Variants in CCDC59 observed in about 807,000 individuals in gnomAD.
The protein encoded by CCDC59 is thyroid transcription factor 1-associated protein 26.
Under a neutral mutation model 30.5 loss-of-function variants are expected in CCDC59, and 27 were observed. The ratio of observed to expected loss-of-function variants is 0.89; its 90% CI spans 0.65 to 1.22. The LOEUF (loss-of-function observed/expected upper bound fraction) is 1.22. Among genes scored for constraint, CCDC59 ranks in the 50% most tolerant of loss-of-function variants. The pLI, the probability that CCDC59 is intolerant of heterozygous loss-of-function variation, is 0.00. For missense variants in CCDC59, 362 were observed against 284.4 expected, an observed-to-expected ratio of 1.27 and a Z score of -1.96; for synonymous variants, 125 against 100.9, an observed-to-expected ratio of 1.24 and a Z score of -1.43.
chr12:82,358,758 T>G, upstream of CCDC59: 1 of 1,613,366 alleles, frequency 6.2e-7, no homozygotes, highest in Non-Finnish European at 8.5e-7. Context: ...GCTGAGGAAG[T>G]CAGCGTCGGA....
At chr12:82,358,778 C>T (rs367740693), upstream of CCDC59, 3 of 1,613,654 alleles carry the variant, frequency 1.9e-6, no homozygotes, top group Non-Finnish European at 2.5e-6. Flanking sequence ...AGACGGAGGC[C>T]CTGCCCTCAG....
Position 82,352,886 on chromosome 12 carries a change from A to G in CCDC59, c.*265T>C, listed in dbSNP as rs112398991. ...TTTCATATAAATCTCATATGGTACA[A>G]AAGTATTACATGCTTGGGCCTGTCT... On this transcript the variant is annotated 3_prime_UTR_variant, in exon 4 of 4. Transcript: ENST00000256151. 3.0e-5 allele frequency: 8 copies of G among 271,110 alleles called. No homozygotes were observed. Among genetic ancestry groups the G allele is most frequent in the African/African-American group, 1.5e-4 (7 of 45,630 alleles). 16.8% of individuals were successfully genotyped at this position (271,110 alleles called of 1,614,324 possible).
Position 82,357,150 on chromosome 12 carries a change from T to C in CCDC59, c.274A>G (p.Asn92Asp). The C allele has an allele frequency of 1.9e-6, 3 of 1,614,146 alleles. No individual in the cohort carries two copies. The highest frequency in any genetic ancestry group is 2.5e-6 in the Non-Finnish European group (3 of 1,180,004). ...TCAGCTAAATAGAGATGTTTCAGAT[T>C]ATCTGGGTATCGATCTGTGAATTGA... is the stretch of plus-strand genomic sequence containing the variant. The part of the protein sequence containing the change: ...ESQFTDRYPD[N>D]LKHLYLAEEE... Residue 92 changes from asparagine (N) to aspartate (D), a missense_variant, in exon 2 of 4, where the codon AAT (asparagine) becomes GAT (aspartate). Asn to Asp is a conservative substitution (Grantham distance 23). Transcript: ENST00000256151.
intron 3 of CCDC59, 122 bp from the exon 4 acceptor site, chr12:82,353,434 T>C: frequency 4.2e-6 from 3 of 717,710 alleles, no homozygotes; most frequent in Non-Finnish European, 2.2e-6. Context: ...TTTTGCAAGA[T>C]GTGCACTGTT....
At position 82,354,497 on chromosome 12, in the gene CCDC59, G is replaced by C. The variant is rs753508111; in HGVS notation, c.562C>G (p.Gln188Glu). The C allele has an allele frequency of 2.5e-6, 4 of 1,577,982 alleles. No individual in the cohort carries two copies. ...AATATTTTCAAAGTAGAACTTACTT[G>C]TTTCTTAGCAGCACGTTTGGCTTGT... ...QIQAKRAAKK[Q>E]EFERRKQERE... The change falls in exon 3 of 4, where the codon CAA becomes GAA. Residue 188 changes from glutamine to glutamate, a missense_variant and splice_region_variant. Physicochemically the swap from Gln to Glu is conservative, Grantham distance 29. Coordinates refer to ENST00000256151, the MANE Select transcript of CCDC59 (RefSeq NM_014167.5).
chr12:82,352,732 G>A lies in CCDC59; in HGVS notation c.*419C>T, dbSNP rs1411843371. Reference sequence around the variant, plus strand: ...AACATGTACTTAAAATAAATAAAAAGTCCAAGAGGAGTCTTTGCCTCCCTC... The same window carrying A: ...AACATGTACTTAAAATAAATAAAAAATCCAAGAGGAGTCTTTGCCTCCCTC... On this transcript the variant is annotated 3_prime_UTR_variant, in exon 4 of 4. Transcript: ENST00000256151. The A allele has an allele frequency of 6.4e-6, 1 of 155,186 alleles. No homozygotes were observed. Among genetic ancestry groups the A allele is most frequent in the Non-Finnish European group, 1.4e-5 (1 of 70,100 alleles). The allele number at this position is 155,186 out of a possible 1,614,324, so 9.6% of individuals were successfully genotyped here. A position where few individuals can be genotyped will look rare whatever the true frequency, so the allele number is the denominator to read the frequency against.
intron 2 of CCDC59, among the ~76,000 whole-genome samples, chr12:82,356,275 G>A (rs774739716): frequency 1.3e-5 from 2 of 152,164 alleles, no homozygotes; most frequent in South Asian, 2.1e-4. Flanking sequence ...AAAGCGTCAC[G>A]GAGCTGTGCA....
upstream of CCDC59, chr12:82,358,664 T>C: frequency 6.2e-7 from 1 of 1,614,166 alleles, no homozygotes; most frequent in Non-Finnish European, 8.5e-7. Context: ...CCCTGTCCAT[T>C]TCCAATGCAC....
At chr12:82,358,061 G>A (rs1489540079) in intron 1 of CCDC59, among the ~76,000 whole-genome samples, 162 bp downstream of exon 1, 1 of 152,204 alleles carries the variant, frequency 6.6e-6, no homozygotes, top group Non-Finnish European at 1.5e-5. Flanking sequence ...TTCCTATCTA[G>A]AGCTCTGCGA....
At position 82,358,342 on chromosome 12, in the gene CCDC59, G is replaced by A. The variant is rs759016633; in HGVS notation, c.35C>T (p.Pro12Leu). 6.2e-6 allele frequency: 10 copies of A among 1,613,942 alleles called. No individual in the cohort carries two copies. Among genetic ancestry groups the A allele is most frequent in the Admixed American group, 3.3e-5 (2 of 60,026 alleles). The change falls in exon 1 of 4, where the codon CCT (proline) becomes CTT (leucine). Residue 12 changes from proline to leucine, a missense_variant. Pro to Leu is a moderately conservative substitution (Grantham distance 98). Transcript: ENST00000256151. ...APVRRSAKWR[P>L]GGIEARGEGV... The stretch of plus-strand genomic sequence containing the variant: ...TTCACCACGCGCCTCAATACCACCA[G>A]GCCGCCACTTCGCGGACCGCCTCAC...
intron 1 of CCDC59, 52 bp from the exon 2 acceptor site, chr12:82,357,321 G>T (rs10506870): frequency 1.4e-6 from 2 of 1,438,642 alleles, no homozygotes; most frequent in Non-Finnish European, 9.6e-7. Context: ...GAAGTTGAAC[G>T]AAGAATGGAG....
At chr12:82,358,602 C>T (rs780094088), upstream of CCDC59, 3 of 1,613,356 alleles carry the variant, frequency 1.9e-6, no homozygotes, top group Admixed American at 1.7e-5. Flanking sequence ...GACCCCGGAC[C>T]TGCCCACGCT....
At chr12:82,358,172 C>A in intron 1 of CCDC59, 51 bp downstream of exon 1, 1 of 1,608,540 alleles carries the variant, frequency 6.2e-7, no homozygotes. Context: ...AATCTTATAT[C>A]CTAAAACTTA....
At chr12:82,358,061 G>C (rs1489540079) in intron 1 of CCDC59, among the ~76,000 whole-genome samples, 162 bp downstream of exon 1, 1 of 152,204 alleles carries the variant, frequency 6.6e-6, no homozygotes, top group Non-Finnish European at 1.5e-5. Context: ...TTCCTATCTA[G>C]AGCTCTGCGA....
In CCDC59 at chr12:82,358,272, C is replaced by T. The variant is rs1881218070; in HGVS notation, c.105G>A (p.Lys35=). Residue 35 remains lysine, a synonymous_variant, in exon 1 of 4, where the codon AAG becomes AAA. Coordinates refer to ENST00000256151, the MANE Select transcript of CCDC59 (RefSeq NM_014167.5). ...CTTGCGGGTGGTTAGGCCGCCATGT[C>T]TTCTGTCTCACATTCTTATTCCTGT... The part of the protein sequence containing the change: ...VGYRNKNVRQ[K]TWRPNHPQAF... The T allele has an allele frequency of 5.0e-6, 8 of 1,614,236 alleles. No homozygotes were observed. The highest frequency in any genetic ancestry group is 2.7e-5 in the African/African-American group (2 of 75,064).
At chr12:82,354,269 T>C (rs1330776909) in intron 3 of CCDC59, among the ~76,000 whole-genome samples, 1 of 152,118 alleles carries the variant, frequency 6.6e-6, no homozygotes, top group Non-Finnish European at 1.5e-5. Context: ...CTATAAACAA[T>C]GTGTTCAAAA....
intron 2 of CCDC59, among the ~76,000 whole-genome samples, chr12:82,356,302 A>G (rs1278444916): frequency 6.6e-6 from 1 of 152,194 alleles, no homozygotes; most frequent in African/African-American, 2.4e-5. Flanking sequence ...ATTGCAACCC[A>G]TTTCTGGTCC....
chr12:82,358,683 G>C, upstream of CCDC59: 1 of 1,614,226 alleles, frequency 6.2e-7, no homozygotes, highest in Middle Eastern at 1.6e-4. Flanking sequence ...ACATACCGTG[G>C]ATTTCTACAC....
chr12:82,354,424 C>T, intron 3 of CCDC59, 71 bp downstream of exon 3: 1 of 1,189,832 alleles, frequency 8.4e-7, no homozygotes, highest in Non-Finnish European at 1.1e-6. Context: ...CCAAGAAGCA[C>T]AACAGGTATA....
Sources: allele counts gnomAD v4.1 joint callset (sites outside exome capture counted in the v4.1 genomes callset), GRCh38; gene constraint gnomAD v4.1.1; transcripts MANE v1.5; gene names NCBI Gene and HGNC (gene_info 2026-07-23, HGNC 2026-07-21).